PTPRZ1: variants seen among roughly 807,000 people sequenced by gnomAD.
PTPRZ1 encodes receptor-type tyrosine-protein phosphatase zeta.
In PTPRZ1, 82 loss-of-function variants were observed where a neutral mutation model predicts 214.1. That is an observed-to-expected ratio of 0.38 (90% confidence interval 0.32 to 0.46). The LOEUF (loss-of-function observed/expected upper bound fraction) is 0.46. Ranked by LOEUF, PTPRZ1 falls within the 20% of genes least tolerant of loss-of-function variation. PTPRZ1 has a pLI of 1.00. For synonymous variants in PTPRZ1, 945 were observed against 987.9 expected, an observed-to-expected ratio of 0.96 and a Z score of 0.81; for missense variants, 2,603 against 2,748.7, an observed-to-expected ratio of 0.95 and a Z score of 1.19.
chr7:121,975,956 C>T (rs182144601), intron 4 of PTPRZ1, among the ~76,000 whole-genome samples: 29 of 152,200 alleles, frequency 1.9e-4, no homozygotes, highest in Middle Eastern at 6.8e-3. Context: ...ATAAATTTTA[C>T]GGCACAGTCC....
chr7:122,005,554 T>G (rs919994160), intron 11 of PTPRZ1, among the ~76,000 whole-genome samples: 15 of 152,128 alleles, frequency 9.9e-5, no homozygotes, highest in East Asian at 7.7e-4. Flanking sequence ...AAATGACCAG[T>G]CTACTTTGTA....
At chr7:122,057,125 G>A (rs1289811651) in intron 27 of PTPRZ1, among the ~76,000 whole-genome samples, 2 of 151,752 alleles carry the variant, frequency 1.3e-5, no homozygotes, top group Non-Finnish European at 2.9e-5. Flanking sequence ...TTTCCTCTTG[G>A]GGATATCCTG....
intron 3 of PTPRZ1, among the ~76,000 whole-genome samples, chr7:121,972,155 A>G (rs1002616553): frequency 7.5e-6 from 1 of 134,064 alleles, no homozygotes; most frequent in Non-Finnish European, 1.6e-5. Flanking sequence ...TCTGAGGAGA[A>G]GACTTATTTT....
At position 122,036,691 on chromosome 7, in the gene PTPRZ1, G is replaced by A; in HGVS notation, c.5367+9G>A. Reference sequence around the variant, plus strand: ...ATGCCAATTATGTTGATGTAAGCATGTTTTAATTGAAAATTTTATAGAAAT... The same window carrying A: ...ATGCCAATTATGTTGATGTAAGCATATTTTAATTGAAAATTTTATAGAAAT... On this transcript the variant is annotated intron_variant, in intron 18 of 29. Coordinates refer to ENST00000393386, the MANE Select transcript of PTPRZ1 (RefSeq NM_002851.3). 1 of 1,571,216 alleles carries A rather than the reference G, an allele frequency of 6.4e-7. No individual in the cohort carries two copies. Among genetic ancestry groups the A allele is most frequent in the Non-Finnish European group, 8.8e-7 (1 of 1,142,018 alleles).
rs568950479 is a variant in PTPRZ1 at position 122,024,905 on chromosome 7, AC to A, written c.4989-3644del. Among the ~76,000 whole-genome samples the A allele has an allele frequency of 1.8e-4, 28 of 152,242 alleles. 1 individual carries two copies. In the South Asian group the frequency reaches 5.8e-3, roughly 32 times the overall value. ...TATCGATCCATCTGCCCATCCAGCC[AC>A]CCATTCGTCCATCCTTCTCTACCTA... On this transcript the variant is annotated intron_variant, in intron 13 of 29. Coordinates refer to ENST00000393386, the MANE Select transcript of PTPRZ1 (RefSeq NM_002851.3).
intron 1 of PTPRZ1, among the ~76,000 whole-genome samples, chr7:121,893,532 C>T (rs2116226833): frequency 6.6e-6 from 1 of 152,274 alleles, no homozygotes; most frequent in African/African-American, 2.4e-5. Flanking sequence ...AGATACAATG[C>T]AGAAATTGCA....
At chr7:121,978,348 C>T (rs1182203027) in intron 6 of PTPRZ1, among the ~76,000 whole-genome samples, 1 of 152,154 alleles carries the variant, frequency 6.6e-6, no homozygotes, top group Non-Finnish European at 1.5e-5. Flanking sequence ...AGTCCATTTT[C>T]ACACTGAGAG....
At chr7:121,999,596 T>C (rs1463489794) in intron 10 of PTPRZ1, among the ~76,000 whole-genome samples, 1 of 152,206 alleles carries the variant, frequency 6.6e-6, no homozygotes, top group Non-Finnish European at 1.5e-5. Flanking sequence ...ATTATGCTAC[T>C]CTAATTTCGT....
chr7:121,993,848 TG>T (rs771628463), intron 8 of PTPRZ1, among the ~76,000 whole-genome samples: 8 of 152,184 alleles, frequency 5.3e-5, no homozygotes, highest in African/African-American at 9.6e-5. Flanking sequence ...AAAGTATGTA[TG>T]TTTTTTTCAC....
rs562025047 is a variant in PTPRZ1 at position 121,959,107 on chromosome 7, GC to G, written c.125-8842del. Among the ~76,000 whole-genome samples, 548 of 152,300 alleles carry G rather than the reference GC, an allele frequency of 3.6e-3. 4 individuals carry two copies. The highest frequency in any genetic ancestry group is 0.013 in the African/African-American group (525 of 41,564). On this transcript the variant is annotated intron_variant, in intron 2 of 29. Transcript: ENST00000393386. ...CAAAGTGCTGGGATTACAGGCATGA[GC>G]CACCACGCCCGGCCCCTAGTTAATG... is the stretch of plus-strand genomic sequence containing the variant.
At position 121,972,546 on chromosome 7, in the gene PTPRZ1, A is replaced by G. The variant is rs1305893103; in HGVS notation, c.310A>G (p.Ile104Val). Residue 104 changes from isoleucine (I) to valine (V), a missense_variant, in exon 4 of 30, where the codon ATT becomes GTT. Ile to Val is a conservative substitution (Grantham distance 29, BLOSUM62 3). This residue lies in a region of PTPRZ1 where 141 missense variants were observed against 143.7 expected (regional missense o/e 0.98). Transcript: ENST00000393386. ...AATTGTATTTCTTTTTTTAGTGGAA[A>G]TTAATCTCACTAATGACTACCGTGT... ...FIHNTGKTVE[I>V]NLTNDYRVSG... The G allele has an allele frequency of 6.3e-7, 1 of 1,589,118 alleles. No homozygotes were observed. Among genetic ancestry groups the G allele is most frequent in the Admixed American group, 1.9e-5 (1 of 53,898 alleles).
chr7:122,004,914 CAATG>C (rs1030816805), intron 11 of PTPRZ1, among the ~76,000 whole-genome samples: 4 of 151,830 alleles, frequency 2.6e-5, no homozygotes, highest in African/African-American at 9.7e-5. Context: ...AAGAAAAAAA[CAATG>C]AACTTTAAAA....
intron 3 of PTPRZ1, among the ~76,000 whole-genome samples, chr7:121,972,111 T>G (rs1797267295): frequency 6.6e-6 from 1 of 151,722 alleles, no homozygotes. Flanking sequence ...TGATAAGGAG[T>G]AGAAATGGGC....
At chr7:122,007,019 C>G (rs1187132439) in intron 11 of PTPRZ1, among the ~76,000 whole-genome samples, 3 of 151,932 alleles carry the variant, frequency 2.0e-5, no homozygotes, top group Non-Finnish European at 4.4e-5. Flanking sequence ...AGGTAAGGAA[C>G]CTCCCAAGGA....
intron 23 of PTPRZ1, among the ~76,000 whole-genome samples, chr7:122,048,338 T>A (rs1020617301): frequency 6.6e-6 from 1 of 152,024 alleles, no homozygotes; most frequent in Admixed American, 6.6e-5. Flanking sequence ...GAGGAAAGAA[T>A]GTGAGTAAAT....
intron 21 of PTPRZ1, 95 bp from the exon 22 acceptor site, chr7:122,042,513 G>T: frequency 8.0e-7 from 1 of 1,256,036 alleles, no homozygotes; most frequent in Non-Finnish European, 1.1e-6. Context: ...GAAGAAGGAA[G>T]TTATTTTAAT....
intron 17 of PTPRZ1, 108 bp from the exon 18 acceptor site, chr7:122,036,492 C>T: frequency 1.3e-6 from 1 of 749,420 alleles, no homozygotes. Context: ...TAAATGATTG[C>T]TTGTGTTGAT....
chr7:122,061,076 CT>C lies in PTPRZ1; in HGVS notation c.6808-3del, dbSNP rs774487146. 1.3e-6 allele frequency: 2 copies of C among 1,591,528 alleles called. No individual in the cohort carries two copies. The highest frequency in any genetic ancestry group is 2.7e-5 in the African/African-American group (2 of 73,860). ...TTTATTACCTCCCATCTTCTGTTCT[CT>C]AGGAGCAGTATCAGTTTCTCTACAA... On this transcript the variant is annotated splice_region_variant and splice_polypyrimidine_tract_variant and intron_variant, in intron 29 of 29. Transcript: ENST00000393386.
At chr7:121,998,619 T>C (rs543585649) in intron 10 of PTPRZ1, among the ~76,000 whole-genome samples, 3 of 152,182 alleles carry the variant, frequency 2.0e-5, no homozygotes. Flanking sequence ...GAAAATCTTT[T>C]GATCTTAGAG....
Sources: gnomAD v4.1 joint callset for allele counts (sites outside exome capture counted in the v4.1 genomes callset) on GRCh38, gnomAD v4.1.1 for gene constraint, gnomAD v4.1.1 regional missense constraint, MANE v1.5 for transcripts, NCBI Gene and HGNC (gene_info 2026-07-23, HGNC 2026-07-21) for gene names.